HECTD3: variants seen among roughly 807,000 people sequenced by gnomAD.
HECTD3 encodes HECT domain E3 ubiquitin protein ligase 3, also known as E3 ubiquitin-protein ligase HECTD3.
A neutral mutation model predicts 109.3 loss-of-function variants in HECTD3; 72 were observed. The ratio of observed to expected loss-of-function variants is 0.66; its 90% CI spans 0.54 to 0.80. The LOEUF is 0.80. Among genes scored for constraint, HECTD3 ranks in the 30% least tolerant of loss-of-function variants. The pLI, the probability that HECTD3 is intolerant of heterozygous loss-of-function variation, is 0.00. For missense variants in HECTD3, 1,041 were observed against 1,165.2 expected (o/e 0.89, Z 1.55); for synonymous variants, 481 against 471.8 (o/e 1.02, Z -0.25).
At position 45,006,683 on chromosome 1, in the gene HECTD3, G is replaced by C. The variant is rs368419964; in HGVS notation, c.1725+9C>G. 6.2e-7 allele frequency: 1 copy of C among 1,606,764 alleles called. No homozygotes were observed. The highest frequency in any genetic ancestry group is 1.7e-5 in the Admixed American group (1 of 59,220). The stretch of plus-strand genomic sequence containing the variant: ...CTGGGAGGTTTGCAGAGATGGAAAC[G>C]GAGATTACCTGGTTGGCTGTGCGTA... On this transcript the variant is annotated intron_variant, in intron 13 of 20. Coordinates refer to ENST00000372172, the MANE Select transcript of HECTD3 (RefSeq NM_024602.6). This position sits in a 1 kb window ranked among gnomAD's most constrained non-coding sequence, Gnocchi z 4.7.
Position 45,011,050 on chromosome 1 carries a change from C to A in HECTD3, c.208G>T (p.Gly70Cys). ...RVLLPVWEAE[G>C]LGLRVGAAGP... ...GCGGCGCCCACACGCAGCCCCAGGC[C>A]CTCTGCCTCCCACACCGGCAGAAGC... Residue 70 changes from glycine to cysteine, a missense_variant, in exon 1 of 21, where the codon GGC becomes TGC. Physicochemically the swap from Gly to Cys is radical, Grantham distance 159. This residue lies in a region of HECTD3 where 472 missense variants were observed against 449.9 expected (regional missense o/e 1.05). Coordinates refer to ENST00000372172, the MANE Select transcript of HECTD3 (RefSeq NM_024602.6). The A allele has an allele frequency of 6.9e-7, 1 of 1,440,630 alleles. No individual in the cohort carries two copies. The allele number at this position is 1,440,630 out of a possible 1,614,324, so 89.2% of individuals were successfully genotyped here.
chr1:45,005,209 G>C (rs1644724114), intron 15 of HECTD3: 1 of 294,336 alleles, frequency 3.4e-6, no homozygotes, highest in Admixed American at 4.7e-5. Flanking sequence ...CCTAAGCCCA[G>C]GGCCGAGCCA....
rs1452968762 is a variant in HECTD3 at position 45,009,428 on chromosome 1, C to T, written c.930G>A (p.Val310=). Reference sequence around the variant, plus strand: ...TGTCCCCTTCACCCCCATAGACCACCACCCGCTTTGGCATAAAGTTGTCAT... The same window carrying T: ...TGTCCCCTTCACCCCCATAGACCACTACCCGCTTTGGCATAAAGTTGTCAT... ...TTDDNFMPKR[V]VVYGGEGDNL... is the part of the protein sequence containing the mutation. The change falls in exon 6 of 21, where the codon GTG becomes GTA. Residue 310 remains valine, a synonymous_variant. Transcript: ENST00000372172. 9.9e-6 allele frequency: 16 copies of T among 1,614,200 alleles called. No individual in the cohort carries two copies. The highest frequency in any genetic ancestry group is 1.3e-5 in the Non-Finnish European group (15 of 1,180,030).
At position 45,003,764 on chromosome 1, in the gene HECTD3, G is replaced by A. The variant is rs1227281788; in HGVS notation, c.2430-24C>T. 4 of 1,613,608 alleles carry A rather than the reference G, an allele frequency of 2.5e-6. No individual in the cohort carries two copies. Among genetic ancestry groups the A allele is most frequent in the African/African-American group, 1.3e-5 (1 of 74,904 alleles). ...AGCTGGGGGCATTGAGGGACCATAGGTCAGGAAGATGTGTTGGGGCACATG... is the reference window on the plus strand; with the variant it reads ...AGCTGGGGGCATTGAGGGACCATAGATCAGGAAGATGTGTTGGGGCACATG... On this transcript the variant is annotated intron_variant, in intron 19 of 20. Transcript: ENST00000372172. The surrounding 1 kb of genome is among the most constrained non-coding windows in gnomAD (Gnocchi z 4.7).
Position 45,011,203 on chromosome 1 carries a change from G to C in HECTD3, c.55C>G (p.Arg19Gly). Reference protein sequence around the residue: ...VLESPRQLLGRVRFLAEAARS... With the variant: ...VLESPRQLLGGVRFLAEAARS... ...GCTGCCTCTGCCAAGAAGCGCACGC[G>C]GCCCAGCAGCTGCCGGGGGGACTCC... The change falls in exon 1 of 21, where the codon CGC (arginine) becomes GGC (glycine). Residue 19 changes from arginine (R) to glycine (G), a missense_variant. By Grantham distance (125) the Arg-to-Gly change is moderately radical (BLOSUM62 -2). Around this residue, in one of 2 missense-constraint regions of HECTD3, gnomAD observed 472 missense variants for 449.9 expected, o/e 1.05. Transcript: ENST00000372172. 2.8e-6 allele frequency: 4 copies of C among 1,445,402 alleles called. No individual in the cohort carries two copies. Among genetic ancestry groups the C allele is most frequent in the Non-Finnish European group, 3.6e-6 (4 of 1,107,448 alleles). The allele number at this position is 1,445,402 out of a possible 1,614,324, so 89.5% of individuals were successfully genotyped here. A position where few individuals can be genotyped will look rare whatever the true frequency, so the allele number is the denominator to read the frequency against.
intron 9 of HECTD3, 150 bp downstream of exon 9, chr1:45,008,090 T>G (rs1644752002): frequency 3.1e-6 from 2 of 645,794 alleles, no homozygotes; most frequent in Non-Finnish European, 2.7e-6. Context: ...AACACTAAAT[T>G]TGGACCATTT....
Position 45,007,586 on chromosome 1 carries a change from G to A in HECTD3, c.1330C>T (p.Gln444Ter), listed in dbSNP as rs1321472849. The A allele has an allele frequency of 3.7e-6, 6 of 1,609,140 alleles. No individual in the cohort carries two copies. Among genetic ancestry groups the A allele is most frequent in the Non-Finnish European group, 5.1e-6 (6 of 1,179,828 alleles). ...CGCTGGCGGGACAGCAGTAGGAACT[G>A]CTTCACTTGCTAGTGAGGAGAGGTG... ...GTFSEIKQVK[Q>*]FLLLSRQRPG... The change falls in exon 10 of 21, where the codon CAG (glutamine) becomes TAG (stop). Residue 444 changes from glutamine to a stop codon, truncating the protein, a stop_gained. Transcript: ENST00000372172. LOFTEE classifies it high-confidence loss of function.
chr1:45,005,677 T>A, intron 15 of HECTD3, 117 bp downstream of exon 15: 1 of 763,388 alleles, frequency 1.3e-6, no homozygotes, highest in Non-Finnish European at 2.1e-6. Flanking sequence ...GCCATGGGAG[T>A]GGATGGATTG....
chr1:45,006,971 G>A lies in HECTD3; in HGVS notation c.1601C>T (p.Ala534Val). Residue 534 changes from alanine to valine, a missense_variant, in exon 12 of 21, where the codon GCA becomes GTA. Physicochemically the swap from Ala to Val is moderately conservative, Grantham distance 64 (BLOSUM62 0). Coordinates refer to ENST00000372172, the MANE Select transcript of HECTD3 (RefSeq NM_024602.6). The surrounding 1 kb of genome is among the most constrained non-coding windows in gnomAD (Gnocchi z 4.7). ...CTCACCTTGGTCAATGATGCCTTCT[G>A]CAATAAATTTACACTCCCACCACTG... is the stretch of plus-strand genomic sequence containing the variant. ...YDQWWECKFI[A>V]EGIIDQGGGF... is the part of the protein sequence containing the mutation. The A allele has an allele frequency of 1.9e-6, 3 of 1,614,088 alleles. No homozygotes were observed. The highest frequency in any genetic ancestry group is 1.7e-6 in the Non-Finnish European group (2 of 1,180,000).
At chr1:45,004,926 C>G (rs915090482) in intron 15 of HECTD3, 120 bp from the exon 16 acceptor site, 8 of 845,050 alleles carry the variant, frequency 9.5e-6, no homozygotes, top group Middle Eastern at 5.4e-4. Flanking sequence ...ATGGAGGCAG[C>G]AGGGAATGAG....
rs780522414 is a variant in HECTD3 at position 45,010,224 on chromosome 1, G to A, written c.600C>T (p.Tyr200=). Reference sequence around the variant, plus strand: ...ACAGTAGCCTTTGTACAGCTTCTGCGTATGCCTCTGCCGGCTGAGGTCTCG... The same window carrying A: ...ACAGTAGCCTTTGTACAGCTTCTGCATATGCCTCTGCCGGCTGAGGTCTCG... ...LGSRPQPAEA[Y]AEAVQRLLYV... The change falls in exon 3 of 21, where the codon TAC becomes TAT. Residue 200 remains tyrosine (Y), a synonymous_variant. Coordinates refer to ENST00000372172, the MANE Select transcript of HECTD3 (RefSeq NM_024602.6). 12 of 1,613,942 alleles carry A rather than the reference G, an allele frequency of 7.4e-6. No individual in the cohort carries two copies. Among genetic ancestry groups the A allele is most frequent in the East Asian group, 2.2e-5 (1 of 44,866 alleles).
chr1:45,010,404 C>A, intron 2 of HECTD3, 111 bp from the exon 3 acceptor site: 1 of 1,444,532 alleles, frequency 6.9e-7, no homozygotes, highest in Non-Finnish European at 9.6e-7. Context: ...TCCCTCCGAG[C>A]CCCCTTCACG....
chr1:45,010,455 A>G, intron 2 of HECTD3, 91 bp downstream of exon 2: 1 of 1,553,960 alleles, frequency 6.4e-7, no homozygotes, highest in Admixed American at 1.8e-5. Context: ...CCGCTCCAGT[A>G]TCCCACCCAC....
In HECTD3 at chr1:45,010,704, C is replaced by T. The variant is rs758407475; in HGVS notation, c.372G>A (p.Glu124=). 4 of 1,547,666 alleles carry T rather than the reference C, an allele frequency of 2.6e-6. No individual in the cohort carries two copies. The highest frequency in any genetic ancestry group is 3.5e-6 in the Non-Finnish European group (4 of 1,152,054). The change falls in exon 2 of 21, where the codon GAG becomes GAA. Residue 124 remains glutamate, a splice_region_variant and synonymous_variant. Coordinates refer to ENST00000372172, the MANE Select transcript of HECTD3 (RefSeq NM_024602.6). ...AGTCGCCCAGGTGCTCTGCCAGCTG[C>T]TCCTGCCGGGACGCGTAGGATGGGG... The part of the protein sequence containing the change: ...GHGLWVKLTK[E]QLAEHLGDCG...
In HECTD3 at chr1:45,003,970, T is replaced by C. The variant is rs373019304; in HGVS notation, c.2348-34A>G. 3.8e-4 allele frequency: 621 copies of C among 1,613,078 alleles called. 9 individuals carry two copies. In the South Asian group the frequency reaches 6.3e-3, roughly 16 times the overall value. Reference sequence around the variant, plus strand: ...AGAAGGAAATCAGTGCCTGCATGGATGGTGAGGGAGGGTCTACAACTTCTA... The same window carrying C: ...AGAAGGAAATCAGTGCCTGCATGGACGGTGAGGGAGGGTCTACAACTTCTA... On this transcript the variant is annotated intron_variant, in intron 18 of 20. Transcript: ENST00000372172. This position sits in a 1 kb window ranked among gnomAD's most constrained non-coding sequence, Gnocchi z 4.7.
chr1:45,009,111 C>G, intron 7 of HECTD3, 33 bp downstream of exon 7: 117 of 1,546,932 alleles, frequency 7.6e-5, no homozygotes, highest in Non-Finnish European at 1.0e-4. Context: ...CCACGCCGGG[C>G]TCTCTTTCCC....
chr1:45,009,719 C>A, intron 4 of HECTD3, 36 bp from the exon 5 acceptor site: 1 of 1,491,904 alleles, frequency 6.7e-7, no homozygotes, highest in South Asian at 1.1e-5. Flanking sequence ...CAGCAGTTAC[C>A]CTCCCTCCCT....
rs762955772 is a variant in HECTD3, at chr1:45,003,787, A to G, written c.2430-47T>C. On this transcript the variant is annotated intron_variant, in intron 19 of 20. Coordinates refer to ENST00000372172, the MANE Select transcript of HECTD3 (RefSeq NM_024602.6). The surrounding 1 kb of genome is among the most constrained non-coding windows in gnomAD (Gnocchi z 4.7). The stretch of plus-strand genomic sequence containing the variant: ...AGGTCAGGAAGATGTGTTGGGGCAC[A>G]TGTACGTGTGTGGGGAGGGAGGACA... The G allele has an allele frequency of 5.6e-6, 9 of 1,612,882 alleles. No homozygotes were observed. The highest frequency in any genetic ancestry group is 3.3e-5 in the Admixed American group (2 of 60,026).
rs1289450212 is a variant in HECTD3 at position 45,010,682 on chromosome 1, C to T, written c.394G>A (p.Asp132Asn). 2 of 1,566,694 alleles carry T rather than the reference C, an allele frequency of 1.3e-6. No homozygotes were observed. The highest frequency in any genetic ancestry group is 1.7e-6 in the Non-Finnish European group (2 of 1,161,170). The change falls in exon 2 of 21, where the codon GAC becomes AAC. Residue 132 changes from aspartate to asparagine, a missense_variant. Transcript: ENST00000372172. Reference sequence around the variant, plus strand: ...AGCCAGCCTTCCTGCAGCCCGCAGTCGCCCAGGTGCTCTGCCAGCTGCTCC... The same window carrying T: ...AGCCAGCCTTCCTGCAGCCCGCAGTTGCCCAGGTGCTCTGCCAGCTGCTCC... ...TKEQLAEHLG[D>N]CGLQEGWLLV...
Sources: gnomAD v4.1 joint callset for allele counts on GRCh38, gnomAD v4.1.1 for gene constraint, gnomAD v4.1.1 regional missense constraint, Gnocchi (gnomAD v3.1) non-coding constraint, MANE v1.5 for transcripts, NCBI Gene and HGNC (gene_info 2026-07-23, HGNC 2026-07-21) for gene names.